Variants in ZNF804A observed in about 807,000 individuals in gnomAD.
ZNF804A encodes the protein zinc finger protein 804A.
ZNF804A carries 2 observed loss-of-function variants against 16.5 expected under a neutral mutation model. The observed-to-expected ratio is 0.12, with a 90% confidence interval of 0.05 to 0.38. The LOEUF (loss-of-function observed/expected upper bound fraction) is 0.38. ZNF804A is among the 10% of genes least tolerant of loss of function. The pLI is 0.99. For missense variants in ZNF804A, 1,473 were observed against 1,390.7 expected, an observed-to-expected ratio of 1.06 and a Z score of -0.94; for synonymous variants, 534 against 489.6, an observed-to-expected ratio of 1.09 and a Z score of -1.20.
intron 1 of ZNF804A, among the ~76,000 whole-genome samples, chr2:184,660,057 G>A (rs1692144715): frequency 6.6e-6 from 1 of 152,294 alleles, no homozygotes; most frequent in South Asian, 2.1e-4. Flanking sequence ...GCTGCAGTGA[G>A]CTATGATCTT....
intron 1 of ZNF804A, among the ~76,000 whole-genome samples, chr2:184,648,400 C>A (rs1045525426): frequency 6.6e-6 from 1 of 152,118 alleles, no homozygotes; most frequent in Non-Finnish European, 1.5e-5. Context: ...GGATAAAAAT[C>A]TCACATATCA....
At chr2:184,675,405 A>T (rs1177408223) in intron 1 of ZNF804A, among the ~76,000 whole-genome samples, 1 of 151,810 alleles carries the variant, frequency 6.6e-6, no homozygotes, top group Non-Finnish European at 1.5e-5. Flanking sequence ...AATCATATGC[A>T]TCAAACCCTA....
chr2:184,679,176 G>C (rs1050279472), intron 1 of ZNF804A, among the ~76,000 whole-genome samples: 6 of 152,228 alleles, frequency 3.9e-5, no homozygotes, highest in African/African-American at 1.4e-4. Flanking sequence ...AAATAAATTA[G>C]GTGAAATGTG....
At chr2:184,777,448 A>G (rs1243259580) in intron 1 of ZNF804A, among the ~76,000 whole-genome samples, 14 of 151,564 alleles carry the variant, frequency 9.2e-5, no homozygotes, top group Non-Finnish European at 1.5e-4. Flanking sequence ...ATTGGTTTAC[A>G]TGATACGAGG....
In ZNF804A at chr2:184,722,098, C is replaced by T. The variant is rs536473827; in HGVS notation, c.111+123028C>T. The stretch of plus-strand genomic sequence containing the variant: ...ACTCTGAGAAGAGTGTGTGGGTGCG[C>T]GTGTGTATGGGTTGGGGGGGATGAA... On this transcript the variant is annotated intron_variant, in intron 1 of 3. Coordinates refer to ENST00000302277, the MANE Select transcript of ZNF804A (RefSeq NM_194250.2). 2.7e-3 allele frequency among the ~76,000 whole-genome samples: 402 copies of T among 151,652 alleles called. 1 individual carries two copies. Among genetic ancestry groups the T allele is most frequent in the African/African-American group, 9.4e-3 (388 of 41,338 alleles).
At chr2:184,709,715 G>T (rs1415309291) in intron 1 of ZNF804A, among the ~76,000 whole-genome samples, 3 of 151,052 alleles carry the variant, frequency 2.0e-5, no homozygotes, top group Non-Finnish European at 4.4e-5. Flanking sequence ...AATGATTTTT[G>T]CATATACTTT....
intron 1 of ZNF804A, among the ~76,000 whole-genome samples, chr2:184,797,510 G>A (rs754511152): frequency 6.6e-6 from 1 of 152,010 alleles, no homozygotes; most frequent in Admixed American, 6.6e-5. Flanking sequence ...AAGTTTATAT[G>A]AGTCTGTGTG....
intron 2 of ZNF804A, among the ~76,000 whole-genome samples, chr2:184,933,150 C>G (rs368481768): frequency 2.6e-5 from 4 of 151,764 alleles, no homozygotes; most frequent in African/African-American, 9.7e-5. Flanking sequence ...CACGCACACA[C>G]ACACACACAC....
intron 1 of ZNF804A, among the ~76,000 whole-genome samples, chr2:184,727,951 C>T (rs1007229877): frequency 3.3e-5 from 5 of 151,620 alleles, no homozygotes; most frequent in Non-Finnish European, 7.4e-5. Context: ...ATGGCAAACA[C>T]GGTCTGTGAA....
chr2:184,720,583 A>G (rs1322161801), intron 1 of ZNF804A, among the ~76,000 whole-genome samples: 1 of 152,156 alleles, frequency 6.6e-6, no homozygotes. Context: ...AGTAAACTAT[A>G]TATTTCTGAT....
Position 184,646,267 on chromosome 2 carries a change from C to T in ZNF804A, c.111+47197C>T, listed in dbSNP as rs564402233. 2.0e-5 allele frequency among the ~76,000 whole-genome samples: 3 copies of T among 152,280 alleles called. No homozygotes were observed. The East Asian group carries it at 5.8e-4, about 29-fold the overall frequency. On this transcript the variant is annotated intron_variant, in intron 1 of 3. Coordinates refer to ENST00000302277, the MANE Select transcript of ZNF804A (RefSeq NM_194250.2). ...AGTCAGCAGTGGAATTGTGCTCTGG[C>T]CTGTTGTAAGCCTGGGGCAGGAAGA...
At chr2:184,902,968 T>C (rs1203702876) in intron 2 of ZNF804A, among the ~76,000 whole-genome samples, 1 of 152,156 alleles carries the variant, frequency 6.6e-6, no homozygotes, top group East Asian at 1.9e-4. Context: ...GACTATACCT[T>C]AGGTGTCCCT....
At chr2:184,773,636 C>A (rs1329346486) in intron 1 of ZNF804A, among the ~76,000 whole-genome samples, 2 of 151,706 alleles carry the variant, frequency 1.3e-5, no homozygotes, top group African/African-American at 4.8e-5. Context: ...ATACAGTGAA[C>A]TTTGGGGACT....
At chr2:184,606,200 C>G (rs1183915355) in intron 1 of ZNF804A, among the ~76,000 whole-genome samples, 1 of 152,104 alleles carries the variant, frequency 6.6e-6, no homozygotes, top group African/African-American at 2.4e-5. Flanking sequence ...AGATATTACC[C>G]AAGACCAGGT....
chr2:184,903,601 G>A (rs903166703), intron 2 of ZNF804A, among the ~76,000 whole-genome samples: 2 of 152,138 alleles, frequency 1.3e-5, no homozygotes, highest in African/African-American at 4.8e-5. Flanking sequence ...TAGTATAAGA[G>A]TTTGTAACAT....
At chr2:184,633,419 C>T (rs533898711) in intron 1 of ZNF804A, among the ~76,000 whole-genome samples, 1 of 152,168 alleles carries the variant, frequency 6.6e-6, no homozygotes, top group East Asian at 1.9e-4. Context: ...CTATTTCCCA[C>T]CAGGCACATT....
intron 2 of ZNF804A, among the ~76,000 whole-genome samples, chr2:184,876,110 C>A (rs1251378594): frequency 6.6e-6 from 1 of 152,056 alleles, no homozygotes. Flanking sequence ...TTGTTCTGCC[C>A]CAGAGGAAGT....
At chr2:184,607,936 C>CTTTTTTTTTTTTT (rs34262998) in intron 1 of ZNF804A, among the ~76,000 whole-genome samples, 1 of 65,654 alleles carries the variant, frequency 1.5e-5, no homozygotes, top group Non-Finnish European at 2.6e-5. Context: ...TGATGCATCT[C>CTTTTTTTTTTTTT]TTTTTTTTTT....
chr2:184,648,485 AAAC>A (rs1691919874), intron 1 of ZNF804A, among the ~76,000 whole-genome samples: 1 of 152,054 alleles, frequency 6.6e-6, no homozygotes. Flanking sequence ...TTAAAAGTAA[AAAC>A]AACAAAACAA....
Sources: allele counts gnomAD v4.1 joint callset (sites outside exome capture counted in the v4.1 genomes callset), GRCh38; gene constraint gnomAD v4.1.1; transcripts MANE v1.5; gene names NCBI Gene and HGNC (gene_info 2026-07-23, HGNC 2026-07-21).